Variants in MIS18BP1 observed in about 807,000 individuals in gnomAD.
The protein encoded by MIS18BP1 is MIS18 binding protein 1.
MIS18BP1 carries 72 observed loss-of-function variants against 116.1 expected under a neutral mutation model. That is an observed-to-expected ratio of 0.62 (90% confidence interval 0.51 to 0.75). The LOEUF (loss-of-function observed/expected upper bound fraction) is 0.75, where lower values mean the gene tolerates loss of function less well. Ranked by LOEUF, MIS18BP1 falls within the 30% of genes least tolerant of loss-of-function variation. MIS18BP1 has a pLI of 0.00. For synonymous variants in MIS18BP1, 386 were observed against 427.0 expected, an observed-to-expected ratio of 0.90 and a Z score of 1.18; for missense variants, 1,363 against 1,303.2, an observed-to-expected ratio of 1.05 and a Z score of -0.71.
At chr14:45,248,491 C>T (rs1456429992) in intron 1 of MIS18BP1, among the ~76,000 whole-genome samples, 1 of 152,040 alleles carries the variant, frequency 6.6e-6, no homozygotes, top group Non-Finnish European at 1.5e-5. Flanking sequence ...TCCAAGGAGC[C>T]TGGAACTTAC....
intron 5 of MIS18BP1, 41 bp from the exon 6 acceptor site, chr14:45,235,985 T>G: frequency 2.6e-6 from 4 of 1,514,322 alleles, no homozygotes; most frequent in Non-Finnish European, 9.0e-7. Context: ...AAAATATTCA[T>G]ATAGAAATTT....
chr14:45,212,742 A>G (rs1250382244), intron 13 of MIS18BP1, among the ~76,000 whole-genome samples: 1 of 152,240 alleles, frequency 6.6e-6, no homozygotes, highest in East Asian at 1.9e-4. Flanking sequence ...GAGCCTGTGT[A>G]TAAATCCAGT....
chr14:45,246,509 T>C (rs1261222630), intron 2 of MIS18BP1, among the ~76,000 whole-genome samples: 1 of 152,196 alleles, frequency 6.6e-6, no homozygotes, highest in African/African-American at 2.4e-5. Context: ...CCTCCAACTC[T>C]TCCCATCATC....
intron 7 of MIS18BP1, chr14:45,232,360 T>C (rs547041842): frequency 8.3e-5 from 15 of 179,786 alleles, no homozygotes; most frequent in Middle Eastern, 2.8e-3. Flanking sequence ...GAGCTTGCAA[T>C]GAGCTGAGAT....
rs1469059156 is a variant in MIS18BP1, at chr14:45,242,109, C to T, written c.1068G>A (p.Arg356=). 1 of 1,613,814 alleles carries T rather than the reference C, an allele frequency of 6.2e-7. No individual in the cohort carries two copies. The highest frequency in any genetic ancestry group is 2.2e-5 in the East Asian group (1 of 44,852). ...TPRLHITIPR[R]SKRNISKLSP... ...AAAGCTTTGAAATATTTCTTTTTGACCTCCGAGGTATTGTTATATGAAGTC... is the reference window on the plus strand; with the variant it reads ...AAAGCTTTGAAATATTTCTTTTTGATCTCCGAGGTATTGTTATATGAAGTC... Residue 356 remains arginine, a synonymous_variant, in exon 4 of 17, where the codon AGG becomes AGA. Coordinates refer to ENST00000310806, the MANE Select transcript of MIS18BP1 (RefSeq NM_018353.5).
intron 1 of MIS18BP1, among the ~76,000 whole-genome samples, chr14:45,251,627 A>G (rs1393360504): frequency 6.6e-6 from 1 of 152,192 alleles, no homozygotes; most frequent in Non-Finnish European, 1.5e-5. Flanking sequence ...CAAATGATAC[A>G]CTTGAAAAAA....
Position 45,231,207 on chromosome 14 carries a change from G to C in MIS18BP1, c.1528C>G (p.Arg510Gly), listed in dbSNP as rs780265754. The change falls in exon 8 of 17, where the codon CGA becomes GGA. Residue 510 changes from arginine (R) to glycine (G), a missense_variant. Transcript: ENST00000310806. ...DIRKSMKNDARENQTDTAQRA... is the reference protein window; with the variant it reads ...DIRKSMKNDAGENQTDTAQRA... ...TGAGCAGTATCTGTTTGGTTTTCTC[G>C]TGCATCATTTTTCATTGATTTCCTT... 7.4e-6 allele frequency: 12 copies of C among 1,613,798 alleles called. No individual in the cohort carries two copies. In the Admixed American group the frequency reaches 1.5e-4, roughly 20 times the overall value.
chr14:45,223,384 C>T (rs1364799984), intron 11 of MIS18BP1, among the ~76,000 whole-genome samples: 3 of 152,178 alleles, frequency 2.0e-5, no homozygotes, highest in Non-Finnish European at 4.4e-5. Flanking sequence ...CAAGACCAGC[C>T]TGACCAACAT....
At position 45,207,788 on chromosome 14, in the gene MIS18BP1, A is replaced by G. The variant is rs370594188; in HGVS notation, c.3153-1618T>C. Among the ~76,000 whole-genome samples, 6 of 152,350 alleles carry G rather than the reference A, an allele frequency of 3.9e-5. No individual in the cohort carries two copies. In the East Asian group the frequency reaches 7.7e-4, roughly 20 times the overall value. On this transcript the variant is annotated intron_variant, in intron 14 of 16. Coordinates refer to ENST00000310806, the MANE Select transcript of MIS18BP1 (RefSeq NM_018353.5). ...TGTTTGATTACTTAAAACTGTTATG[A>G]AAAGTACGTCAATTACTAGAGCTAG... is the stretch of plus-strand genomic sequence containing the variant.
chr14:45,249,818 C>T (rs1891819690), intron 1 of MIS18BP1, among the ~76,000 whole-genome samples: 1 of 152,150 alleles, frequency 6.6e-6, no homozygotes, highest in Admixed American at 6.5e-5. Flanking sequence ...TTGCAGTGAG[C>T]TGAGATCGCA....
intron 9 of MIS18BP1, among the ~76,000 whole-genome samples, chr14:45,227,457 A>C (rs1466358186): frequency 6.6e-6 from 1 of 151,874 alleles, no homozygotes; most frequent in Non-Finnish European, 1.5e-5. Flanking sequence ...AGGCAGGAGA[A>C]TCACTTGAAC....
At chr14:45,243,012 A>C in intron 2 of MIS18BP1, 138 bp from the exon 3 acceptor site, 1 of 535,470 alleles carries the variant, frequency 1.9e-6, no homozygotes, top group Non-Finnish European at 3.2e-6. Context: ...GCAATATATG[A>C]CAGTTACATA....
At chr14:45,206,792 C>T (rs1441567474) in intron 14 of MIS18BP1, among the ~76,000 whole-genome samples, 3 of 152,158 alleles carry the variant, frequency 2.0e-5, no homozygotes, top group African/African-American at 7.2e-5. Context: ...TCTTGGTTTT[C>T]CAAAACTCCC....
intron 4 of MIS18BP1, among the ~76,000 whole-genome samples, chr14:45,238,703 T>C (rs542357231): frequency 6.6e-6 from 1 of 152,136 alleles, no homozygotes; most frequent in African/African-American, 2.4e-5. Flanking sequence ...TACACACCTG[T>C]AGTCCCAGCT....
Position 45,247,395 on chromosome 14 carries a change from A to C in MIS18BP1, c.-91-18T>G. On this transcript the variant is annotated intron_variant, in intron 1 of 16. Transcript: ENST00000310806. ...ACAGAAACCTGTAGTTCAACGTAAA[A>C]TCAGCCTTTATCATGCTTTGGTGCA... is the stretch of plus-strand genomic sequence containing the variant. 3.7e-6 allele frequency: 3 copies of C among 817,884 alleles called. No individual in the cohort carries two copies. Among genetic ancestry groups the C allele is most frequent in the Non-Finnish European group, 5.5e-6 (3 of 542,838 alleles). 50.7% of individuals were successfully genotyped at this position (817,884 alleles called of 1,614,324 possible).
intron 15 of MIS18BP1, 37 bp from the exon 16 acceptor site, chr14:45,204,490 T>G: frequency 6.7e-7 from 1 of 1,492,692 alleles, no homozygotes; most frequent in Non-Finnish European, 9.1e-7. Context: ...AAATGGTACC[T>G]CCTGGTGAAG....
chr14:45,250,399 T>C (rs1169559301), intron 1 of MIS18BP1, among the ~76,000 whole-genome samples: 1 of 152,210 alleles, frequency 6.6e-6, no homozygotes, highest in African/African-American at 2.4e-5. Context: ...ATTTCCTTCC[T>C]AGTCAAAACA....
rs761195274 is a variant in MIS18BP1 at position 45,210,491 on chromosome 14, A to G, written c.3041T>C (p.Ile1014Thr). 8.1e-6 allele frequency: 13 copies of G among 1,613,964 alleles called. No homozygotes were observed. Among genetic ancestry groups the G allele is most frequent in the East Asian group, 2.2e-5 (1 of 44,866 alleles). The change falls in exon 14 of 17, where the codon ATT (isoleucine) becomes ACT (threonine). Residue 1014 changes from isoleucine (I) to threonine (T), a missense_variant. Coordinates refer to ENST00000310806, the MANE Select transcript of MIS18BP1 (RefSeq NM_018353.5). ...SFQDSEDDDD[I>T]LPNMDKNPTT... Reference sequence around the variant, plus strand: ...TGGATTTTTGTCCATATTTGGCAGAATATCATCATCATCTTCACTGTCCTG... The same window carrying G: ...TGGATTTTTGTCCATATTTGGCAGAGTATCATCATCATCTTCACTGTCCTG...
At chr14:45,212,706 G>A (rs1286234778) in intron 13 of MIS18BP1, among the ~76,000 whole-genome samples, 3 of 152,146 alleles carry the variant, frequency 2.0e-5, no homozygotes, top group East Asian at 3.9e-4. Context: ...AAGGACATCC[G>A]ACTGGTAAGG....
Sources: gnomAD v4.1 joint callset for allele counts (sites outside exome capture counted in the v4.1 genomes callset) on GRCh38, gnomAD v4.1.1 for gene constraint, MANE v1.5 for transcripts, NCBI Gene and HGNC (gene_info 2026-07-23, HGNC 2026-07-21) for gene names.